GALNT1: variants seen among roughly 807,000 people sequenced by gnomAD.
GALNT1 encodes the protein polypeptide N-acetylgalactosaminyltransferase 1.
In GALNT1, 17 loss-of-function variants were observed where a neutral mutation model predicts 65.7. The observed-to-expected ratio is 0.26, with a 90% confidence interval of 0.18 to 0.39. GALNT1 has a LOEUF of 0.39. GALNT1 is among the 10% of genes least tolerant of loss of function. GALNT1 has a pLI of 1.00. For synonymous variants in GALNT1, 210 were observed against 219.7 expected (o/e 0.96, Z 0.39); for missense variants, 460 against 672.8 (o/e 0.68, Z 3.50).
At chr18:35,605,253 A>T (rs1394837764) in intron 1 of GALNT1, among the ~76,000 whole-genome samples, 1 of 152,156 alleles carries the variant, frequency 6.6e-6, no homozygotes, top group Non-Finnish European at 1.5e-5. Context: ...TCACGCCTGT[A>T]ATCCCAGCAC....
chr18:35,605,244 C>T (rs550646342), intron 1 of GALNT1, among the ~76,000 whole-genome samples: 86 of 152,150 alleles, frequency 5.7e-4, no homozygotes, highest in Non-Finnish European at 1.0e-3. Flanking sequence ...CACGGTGGCT[C>T]ACGCCTGTAA....
intron 4 of GALNT1, 54 bp from the exon 5 acceptor site, chr18:35,683,337 C>G: frequency 7.0e-7 from 1 of 1,418,948 alleles, no homozygotes; most frequent in Non-Finnish European, 9.8e-7. Flanking sequence ...TTACTTTCAT[C>G]TGAATAGTGC....
intron 9 of GALNT1, among the ~76,000 whole-genome samples, chr18:35,698,991 A>G (rs1326197883): frequency 1.3e-5 from 2 of 151,922 alleles, no homozygotes; most frequent in African/African-American, 4.8e-5. Flanking sequence ...CAAAAATAAA[A>G]TAAATAAAAT....
chr18:35,635,353 C>T (rs900495967), intron 1 of GALNT1, among the ~76,000 whole-genome samples: 1 of 152,162 alleles, frequency 6.6e-6, no homozygotes, highest in South Asian at 2.1e-4. Flanking sequence ...AAACTGGGGA[C>T]CCCACACCAG....
chr18:35,710,789 T>G lies in GALNT1; in HGVS notation c.*1019T>G, dbSNP rs905238883. On this transcript the variant is annotated 3_prime_UTR_variant, in exon 12 of 12. Coordinates refer to ENST00000269195, the MANE Select transcript of GALNT1 (RefSeq NM_020474.4). ...TTCACAGCAATAAATCTTCAGTTCTTTGTTTATGATTCCACTTAACAAAAG... is the reference window on the plus strand; with the variant it reads ...TTCACAGCAATAAATCTTCAGTTCTGTGTTTATGATTCCACTTAACAAAAG... 6.5e-6 allele frequency: 1 copy of G among 152,678 alleles called. No homozygotes were observed. The highest frequency in any genetic ancestry group is 2.4e-5 in the African/African-American group (1 of 41,464). 9.5% of individuals were successfully genotyped at this position (152,678 alleles called of 1,614,324 possible).
At chr18:35,677,779 C>A in intron 4 of GALNT1, 22 bp downstream of exon 4, 1 of 1,548,800 alleles carries the variant, frequency 6.5e-7, no homozygotes, top group Non-Finnish European at 8.8e-7. Flanking sequence ...ATTTTAATGC[C>A]AATAATTTGC....
At position 35,702,004 on chromosome 18, in the gene GALNT1, C is replaced by G. The variant is rs562970352; in HGVS notation, c.1300-893C>G. 1.8e-3 allele frequency among the ~76,000 whole-genome samples: 270 copies of G among 152,292 alleles called. 2 individuals carry two copies. Among genetic ancestry groups the G allele is most frequent in the African/African-American group, 6.2e-3 (257 of 41,570 alleles). The stretch of plus-strand genomic sequence containing the variant: ...TAGCATAGAACTGACATTACCCCCC[C>G]AGTTCCTGATCTCAAAAGGTTTAGG... On this transcript the variant is annotated intron_variant, in intron 9 of 11. Coordinates refer to ENST00000269195, the MANE Select transcript of GALNT1 (RefSeq NM_020474.4).
At chr18:35,657,008 C>T (rs1012439584) in intron 2 of GALNT1, among the ~76,000 whole-genome samples, 5 of 151,956 alleles carry the variant, frequency 3.3e-5, no homozygotes, top group African/African-American at 1.2e-4. Context: ...CATGGTTGGA[C>T]GAATTGATGC....
At position 35,711,072 on chromosome 18, in the gene GALNT1, A is replaced by AATCTT. The variant is rs2048344623; in HGVS notation, c.*1305_*1309dup. The AATCTT allele has an allele frequency of 6.6e-6, 1 of 152,482 alleles. No individual in the cohort carries two copies. Among genetic ancestry groups the AATCTT allele is most frequent in the Non-Finnish European group, 1.5e-5 (1 of 68,006 alleles). 9.4% of individuals were successfully genotyped at this position (152,482 alleles called of 1,614,324 possible). A position where few individuals can be genotyped will look rare whatever the true frequency, so the allele number is the denominator to read the frequency against. On this transcript the variant is annotated 3_prime_UTR_variant, in exon 12 of 12. Coordinates refer to ENST00000269195, the MANE Select transcript of GALNT1 (RefSeq NM_020474.4). Reference sequence around the variant, plus strand: ...TAATAGGCTTGCATTTCTTTTCCTAAATCTTATTTAGGCTAAATCAGTTTT... The same window carrying AATCTT: ...TAATAGGCTTGCATTTCTTTTCCTAAATCTTATCTTATTTAGGCTAAATCAGTTTT...
chr18:35,679,255 G>A (rs538794643), intron 4 of GALNT1, among the ~76,000 whole-genome samples: 9 of 152,208 alleles, frequency 5.9e-5, no homozygotes, highest in African/African-American at 1.9e-4. Flanking sequence ...GTTTACTTAC[G>A]TGTCAATATT....
intron 1 of GALNT1, among the ~76,000 whole-genome samples, chr18:35,632,446 G>A (rs997213666): frequency 4.5e-4 from 68 of 152,230 alleles, no homozygotes; most frequent in African/African-American, 1.5e-3. Flanking sequence ...ACAAGAAATG[G>A]GGAAAGGATT....
At chr18:35,699,534 T>TTC (rs796237951) in intron 9 of GALNT1, among the ~76,000 whole-genome samples, 59 of 152,340 alleles carry the variant, frequency 3.9e-4, no homozygotes, top group African/African-American at 1.4e-3. Context: ...CACTGAGCAG[T>TTC]TAGCTGTAGA....
intron 1 of GALNT1, among the ~76,000 whole-genome samples, chr18:35,621,542 T>TCG (rs879942313): frequency 0.04 from 5,848 of 146,000 alleles, 264 homozygotes; most frequent in African/African-American, 0.069. Context: ...GATACTAATC[T>TCG]TTTGTTCATT....
At chr18:35,623,387 A>T (rs1246052364) in intron 1 of GALNT1, among the ~76,000 whole-genome samples, 1 of 151,594 alleles carries the variant, frequency 6.6e-6, no homozygotes, top group Admixed American at 6.6e-5. Context: ...TTTAAACAAG[A>T]TGTGCTGTGG....
At chr18:35,637,843 AC>A (rs2047110902) in intron 1 of GALNT1, among the ~76,000 whole-genome samples, 1 of 152,214 alleles carries the variant, frequency 6.6e-6, no homozygotes, top group South Asian at 2.1e-4. Flanking sequence ...GCAGCTAGTA[AC>A]TTTAAGTTGA....
intron 2 of GALNT1, among the ~76,000 whole-genome samples, chr18:35,662,207 T>C (rs570446662): frequency 1.3e-5 from 2 of 152,330 alleles, no homozygotes; most frequent in African/African-American, 2.4e-5. Flanking sequence ...TCATTGAGAA[T>C]TTTTAAAAAC....
At chr18:35,675,887 A>G (rs2047704130) in intron 3 of GALNT1, among the ~76,000 whole-genome samples, 1 of 152,210 alleles carries the variant, frequency 6.6e-6, no homozygotes, top group Non-Finnish European at 1.5e-5. Context: ...TCCTGACTTC[A>G]GAGTCTTATT....
At chr18:35,690,145 T>TGAAA (rs1203874458) in intron 7 of GALNT1, among the ~76,000 whole-genome samples, 1 of 152,226 alleles carries the variant, frequency 6.6e-6, no homozygotes, top group East Asian at 1.9e-4. Flanking sequence ...GAATGTATTT[T>TGAAA]GAAAGAAACA....
intron 1 of GALNT1, among the ~76,000 whole-genome samples, chr18:35,599,060 C>G (rs911350986): frequency 4.7e-5 from 7 of 150,160 alleles, no homozygotes; most frequent in Admixed American, 4.6e-4. Flanking sequence ...ATCTTTAGCC[C>G]ATTTTACAAT....
Sources: allele counts gnomAD v4.1 joint callset (sites outside exome capture counted in the v4.1 genomes callset), GRCh38; gene constraint gnomAD v4.1.1; transcripts MANE v1.5; gene names NCBI Gene and HGNC (gene_info 2026-07-23, HGNC 2026-07-21).